ANKRD30B: variants seen among roughly 807,000 people sequenced by gnomAD.
ANKRD30B encodes the protein ankyrin repeat domain 30B, also known as ankyrin repeat domain-containing protein 30B.
Under a neutral mutation model 202.2 loss-of-function variants are expected in ANKRD30B, and 144 were observed. That is an observed-to-expected ratio of 0.71 (90% CI 0.62 to 0.82). The LOEUF (loss-of-function observed/expected upper bound fraction) is 0.82, where lower values mean the gene tolerates loss of function less well. ANKRD30B is among the 40% of genes least tolerant of loss of function. The pLI is 0.00. For synonymous variants in ANKRD30B, 508 were observed against 561.3 expected (o/e 0.91, Z 1.34); for missense variants, 1,487 against 1,669.1 (o/e 0.89, Z 1.90).
chr18:14,894,822 A>G, the ANKRD30B span, among the ~76,000 whole-genome samples: 256 of 150,784 alleles, frequency 1.7e-3, 1 homozygote, highest in Non-Finnish European at 2.9e-3. Flanking sequence ...ACATATATGC[A>G]AAAAATATAT....
At chr18:14,920,566 A>T in the ANKRD30B span, among the ~76,000 whole-genome samples, 4 of 152,202 alleles carry the variant, frequency 2.6e-5, no homozygotes, top group African/African-American at 9.6e-5. Flanking sequence ...AAAGAAAAAA[A>T]TGAGTGACAG....
chr18:14,880,900 G>A, the ANKRD30B span, among the ~76,000 whole-genome samples: 10 of 152,122 alleles, frequency 6.6e-5, no homozygotes, highest in African/African-American at 9.7e-5. Flanking sequence ...AGCTGTTGAT[G>A]TATAGAAGAG....
chr18:14,763,005 C>T (rs1434064754), intron 6 of ANKRD30B, among the ~76,000 whole-genome samples: 1 of 152,054 alleles, frequency 6.6e-6, no homozygotes, highest in Non-Finnish European at 1.5e-5. Flanking sequence ...AAATAACTGT[C>T]AGGTATCTTT....
At chr18:14,860,059 C>T in the ANKRD30B span, among the ~76,000 whole-genome samples, 12 of 138,018 alleles carry the variant, frequency 8.7e-5, no homozygotes, top group African/African-American at 2.2e-4. Context: ...CGGGCAGAGG[C>T]GCTCCTCACC....
chr18:14,906,835 G>A, the ANKRD30B span, among the ~76,000 whole-genome samples: 2 of 149,918 alleles, frequency 1.3e-5, no homozygotes, highest in Non-Finnish European at 3.0e-5. Context: ...TACATTTTAG[G>A]GAGACATGAG....
chr18:14,841,131 T>G (rs1971402419), intron 37 of ANKRD30B, among the ~76,000 whole-genome samples: 1 of 152,224 alleles, frequency 6.6e-6, no homozygotes, highest in South Asian at 2.1e-4. Context: ...TCTTTCTCAC[T>G]GGTGGGAAGG....
intron 26 of ANKRD30B, 109 bp from the exon 27 acceptor site, chr18:14,809,877 C>A (rs1969806833): frequency 5.4e-6 from 6 of 1,107,316 alleles, no homozygotes; most frequent in Non-Finnish European, 8.1e-6. Flanking sequence ...AGTGTAATCC[C>A]TTTTCAATCC....
intron 18 of ANKRD30B, among the ~76,000 whole-genome samples, chr18:14,796,714 C>G (rs11877606): frequency 0.012 from 1,749 of 149,984 alleles, 41 homozygotes; most frequent in African/African-American, 0.041. Flanking sequence ...TAGACACAGA[C>G]AAGATAGTGA....
intron 9 of ANKRD30B, among the ~76,000 whole-genome samples, chr18:14,777,009 A>G (rs898865148): frequency 3.3e-4 from 50 of 152,332 alleles, no homozygotes; most frequent in African/African-American, 1.1e-3. Flanking sequence ...GCATATGTCA[A>G]GTGTTTAATC....
intron 1 of ANKRD30B, among the ~76,000 whole-genome samples, chr18:14,749,988 A>G: frequency 6.6e-6 from 1 of 152,080 alleles, no homozygotes; most frequent in Admixed American, 6.5e-5. Flanking sequence ...ATATACAAAA[A>G]GATAAAAATA....
At chr18:14,751,442 T>G (rs1481315492) in intron 1 of ANKRD30B, among the ~76,000 whole-genome samples, 5 of 152,078 alleles carry the variant, frequency 3.3e-5, no homozygotes, top group Non-Finnish European at 7.4e-5. Context: ...GTGAGAGATT[T>G]AAAATTGGAG....
At chr18:14,864,259 G>A in the ANKRD30B span, among the ~76,000 whole-genome samples, 24 of 152,076 alleles carry the variant, frequency 1.6e-4, no homozygotes, top group South Asian at 8.3e-4. Flanking sequence ...GGCTTGAACC[G>A]GGGAGGTGGA....
chr18:14,920,668 T>A, the ANKRD30B span, among the ~76,000 whole-genome samples: 4 of 152,196 alleles, frequency 2.6e-5, no homozygotes, highest in Non-Finnish European at 5.9e-5. Flanking sequence ...TCCTGCCTGA[T>A]CCTAAGACAT....
chr18:14,889,813 T>C, the ANKRD30B span, among the ~76,000 whole-genome samples: 1 of 151,612 alleles, frequency 6.6e-6, no homozygotes, highest in African/African-American at 2.4e-5. Context: ...AAGCCATTTG[T>C]CCAAAGTCAC....
the ANKRD30B span, among the ~76,000 whole-genome samples, chr18:14,896,125 A>G: frequency 6.6e-6 from 1 of 151,152 alleles, no homozygotes; most frequent in African/African-American, 2.4e-5. Context: ...ATGGGACTCT[A>G]TTATCTGCTC....
intron 37 of ANKRD30B, among the ~76,000 whole-genome samples, chr18:14,841,172 A>G (rs567147665): frequency 2.8e-4 from 43 of 152,244 alleles, no homozygotes; most frequent in African/African-American, 9.4e-4. Flanking sequence ...GACCATGGAG[A>G]GTTGTGTTTT....
the ANKRD30B span, among the ~76,000 whole-genome samples, chr18:14,892,644 G>A: frequency 6.6e-6 from 1 of 150,894 alleles, no homozygotes; most frequent in East Asian, 2.0e-4. Flanking sequence ...GGAGGCTGAG[G>A]CAGGAGACTT....
chr18:14,883,365 GTCTGTCTCTCTCTCTC>G, the ANKRD30B span, among the ~76,000 whole-genome samples: 5 of 105,846 alleles, frequency 4.7e-5, no homozygotes, highest in South Asian at 6.1e-4. Flanking sequence ...CTCTCTGTCT[GTCTGTCTCTCTCTCTC>G]TCTCTCTCTC....
At chr18:14,760,344 A>C (rs1915058864) in intron 5 of ANKRD30B, among the ~76,000 whole-genome samples, 1 of 152,162 alleles carries the variant, frequency 6.6e-6, no homozygotes, top group African/African-American at 2.4e-5. Flanking sequence ...ACTGCCCTCA[A>C]TTCATGAGTA....
Sources: gnomAD v4.1 joint callset for allele counts (sites outside exome capture counted in the v4.1 genomes callset) on GRCh38, gnomAD v4.1.1 for gene constraint, MANE v1.5 for transcripts, NCBI Gene and HGNC (gene_info 2026-07-23, HGNC 2026-07-21) for gene names.